PLCG2: variants seen among roughly 807,000 people sequenced by gnomAD.
PLCG2 encodes phospholipase C gamma 2.
In PLCG2, 69 loss-of-function variants were observed where a neutral mutation model predicts 175.6. The ratio of observed to expected loss-of-function variants is 0.39; its 90% CI spans 0.32 to 0.48. The LOEUF is 0.48. PLCG2 is among the 20% of genes least tolerant of loss of function. The pLI, the probability that PLCG2 is intolerant of heterozygous loss-of-function variation, is 0.91. For synonymous variants in PLCG2, 827 were observed against 624.0 expected, an observed-to-expected ratio of 1.33 and a Z score of -4.85; for missense variants, 1,798 against 1,650.9, an observed-to-expected ratio of 1.09 and a Z score of -1.54.
At chr16:81,790,494 G>C (rs1311340209) in intron 2 of PLCG2, among the ~76,000 whole-genome samples, 1 of 152,214 alleles carries the variant, frequency 6.6e-6, no homozygotes, top group East Asian at 1.9e-4. Flanking sequence ...TCACCGCTCA[G>C]TCTCCTGCTG....
chr16:81,936,971 T>C (rs1223095361), intron 27 of PLCG2, among the ~76,000 whole-genome samples: 1 of 152,238 alleles, frequency 6.6e-6, no homozygotes, highest in Non-Finnish European at 1.5e-5. Context: ...CATTATTTGC[T>C]GTCATAGACA....
At chr16:81,768,852 C>T (rs1286346961) in intron 2 of PLCG2, among the ~76,000 whole-genome samples, 1 of 152,116 alleles carries the variant, frequency 6.6e-6, no homozygotes, top group Non-Finnish European at 1.5e-5. Flanking sequence ...CAGGTGTGAG[C>T]CACCGTGCCC....
chr16:81,922,676 T>C (rs1310196276), intron 21 of PLCG2, among the ~76,000 whole-genome samples: 1 of 152,202 alleles, frequency 6.6e-6, no homozygotes, highest in African/African-American at 2.4e-5. Flanking sequence ...AGGAAAAATT[T>C]TACTAGGTTC....
intron 2 of PLCG2, among the ~76,000 whole-genome samples, chr16:81,806,815 A>G (rs151047143): frequency 8.0e-4 from 121 of 152,022 alleles, no homozygotes; most frequent in African/African-American, 2.7e-3. Flanking sequence ...GGCTTCAGGA[A>G]TGGCCAGGAC....
At position 81,958,284 on chromosome 16, in the gene PLCG2, G is replaced by C; in HGVS notation, c.*286G>C. The stretch of plus-strand genomic sequence containing the variant: ...CCAAACCTCATTGAATAAAAGCAAT[G>C]AAAACCTTGATCAATTAAGCCTTCT... On this transcript the variant is annotated 3_prime_UTR_variant, in exon 33 of 33. Coordinates refer to ENST00000564138, the MANE Select transcript of PLCG2 (RefSeq NM_002661.5). 1 of 435,210 alleles carries C rather than the reference G, an allele frequency of 2.3e-6. No homozygotes were observed. Among genetic ancestry groups the C allele is most frequent in the Middle Eastern group, 6.1e-4 (1 of 1,648 alleles). The allele number at this position is 435,210 out of a possible 1,614,324, so 27.0% of individuals were successfully genotyped here.
At chr16:81,836,566 C>T (rs904142564) in intron 2 of PLCG2, among the ~76,000 whole-genome samples, 5 of 152,264 alleles carry the variant, frequency 3.3e-5, no homozygotes, top group African/African-American at 4.8e-5. Flanking sequence ...CATGGTGAAA[C>T]GCCATCTCCA....
At chr16:81,935,573 T>C (rs1194586889) in intron 26 of PLCG2, 1 of 985,264 alleles carries the variant, frequency 1.0e-6, no homozygotes, top group Non-Finnish European at 1.2e-6. Context: ...GACCCCTCAG[T>C]TAACTTACCG....
At chr16:81,792,407 C>T (rs1911272814) in intron 2 of PLCG2, among the ~76,000 whole-genome samples, 1 of 134,214 alleles carries the variant, frequency 7.5e-6, no homozygotes, top group Non-Finnish European at 1.5e-5. Context: ...CTTGAATGTG[C>T]AAGGCGGAGG....
At chr16:81,769,543 G>T (rs996279556) in intron 2 of PLCG2, among the ~76,000 whole-genome samples, 5 of 152,038 alleles carry the variant, frequency 3.3e-5, no homozygotes, top group Admixed American at 6.6e-5. Context: ...GGCCGGGCGC[G>T]GTGGCTCACG....
intron 30 of PLCG2, 103 bp from the exon 31 acceptor site, chr16:81,946,072 T>C: frequency 1.2e-6 from 1 of 847,046 alleles, no homozygotes. Context: ...CTGACTTCTC[T>C]ACCCTTTGAA....
At chr16:81,825,283 A>ATTTTTTTT (rs577002663) in intron 2 of PLCG2, among the ~76,000 whole-genome samples, 2 of 115,878 alleles carry the variant, frequency 1.7e-5, no homozygotes, top group African/African-American at 3.4e-5. Flanking sequence ...AGATGCTCTA[A>ATTTTTTTT]TTTTTTTTTT....
chr16:81,869,549 C>A (rs1471355411), intron 6 of PLCG2, among the ~76,000 whole-genome samples: 2 of 152,184 alleles, frequency 1.3e-5, no homozygotes, highest in Middle Eastern at 3.2e-3. Context: ...ACCCTCAGAC[C>A]TGTTTTCCAT....
Position 81,921,074 on chromosome 16 carries a change from T to A in PLCG2, c.2236-124T>A, listed in dbSNP as rs1437891747. 2.5e-5 allele frequency: 15 copies of A among 608,174 alleles called. No homozygotes were observed. The South Asian group carries it at 3.1e-4, about 13-fold the overall frequency. 37.7% of individuals were successfully genotyped at this position (608,174 alleles called of 1,614,324 possible). A position where few individuals can be genotyped will look rare whatever the true frequency, so the allele number is the denominator to read the frequency against. On this transcript the variant is annotated intron_variant, in intron 20 of 32. Coordinates refer to ENST00000564138, the MANE Select transcript of PLCG2 (RefSeq NM_002661.5). ...CTACTCATGGGCCAAAAGAAAATTCTATGAGGTTTCAACTCCTCTATCAAA... is the reference window on the plus strand; with the variant it reads ...CTACTCATGGGCCAAAAGAAAATTCAATGAGGTTTCAACTCCTCTATCAAA...
At chr16:81,845,845 G>A (rs1906087837) in intron 2 of PLCG2, among the ~76,000 whole-genome samples, 1 of 152,214 alleles carries the variant, frequency 6.6e-6, no homozygotes, top group Admixed American at 6.5e-5. Context: ...GGAGAGAGCT[G>A]CATATTCTTA....
intron 2 of PLCG2, among the ~76,000 whole-genome samples, chr16:81,798,017 G>T (rs1800479710): frequency 6.6e-6 from 1 of 152,072 alleles, no homozygotes; most frequent in South Asian, 2.1e-4. Context: ...TTTTAGTAGA[G>T]ATGGGGTTCC....
At chr16:81,789,293 C>G (rs1225810504) in intron 2 of PLCG2, among the ~76,000 whole-genome samples, 1 of 152,228 alleles carries the variant, frequency 6.6e-6, no homozygotes, top group African/African-American at 2.4e-5. Context: ...GATGCGCTCT[C>G]TCGCTCTCTG....
intron 2 of PLCG2, among the ~76,000 whole-genome samples, chr16:81,853,793 G>A (rs970040997): frequency 2.0e-5 from 3 of 152,242 alleles, no homozygotes; most frequent in African/African-American, 7.2e-5. Context: ...GGAGGCTGTG[G>A]CCCATTAGTA....
chr16:81,860,934 G>A (rs1370801329), intron 5 of PLCG2, among the ~76,000 whole-genome samples: 2 of 151,996 alleles, frequency 1.3e-5, no homozygotes, highest in Admixed American at 6.6e-5. Flanking sequence ...CCGAGATCGC[G>A]CCACTCTACT....
chr16:81,929,040 C>G (rs1396150027), intron 24 of PLCG2, among the ~76,000 whole-genome samples: 1 of 152,212 alleles, frequency 6.6e-6, no homozygotes, highest in Non-Finnish European at 1.5e-5. Flanking sequence ...ACAGGCCTGT[C>G]ACTTCTCCTC....
Sources: allele counts gnomAD v4.1 joint callset (sites outside exome capture counted in the v4.1 genomes callset), GRCh38; gene constraint gnomAD v4.1.1; transcripts MANE v1.5; gene names NCBI Gene and HGNC (gene_info 2026-07-23, HGNC 2026-07-21).